NUCB1: variants seen among roughly 807,000 people sequenced by gnomAD.
NUCB1 encodes nucleobindin 1.
Under a neutral mutation model 61.2 loss-of-function variants are expected in NUCB1, and 47 were observed. The ratio of observed to expected loss-of-function variants is 0.77; its 90% CI spans 0.61 to 0.98. The LOEUF is 0.98. Among genes scored for constraint, NUCB1 ranks in the 50% least tolerant of loss-of-function variants. The pLI, the probability that NUCB1 is intolerant of heterozygous loss-of-function variation, is 0.00. For synonymous variants in NUCB1, 234 were observed against 243.1 expected (o/e 0.96, Z 0.35); for missense variants, 583 against 605.3 (o/e 0.96, Z 0.39).
intron 10 of NUCB1, among the ~76,000 whole-genome samples, chr19:48,920,058 C>T (rs73573658): frequency 0.06 from 9,055 of 151,222 alleles, 714 homozygotes; most frequent in African/African-American, 0.18. Flanking sequence ...CATGCACCAC[C>T]GCACCACACC....
In NUCB1 at chr19:48,903,933, GGTGGATGGATGGATGA is replaced by G. The variant is rs2037384325; in HGVS notation, c.136-401_136-386del. Among the ~76,000 whole-genome samples the G allele has an allele frequency of 2.7e-5, 4 of 150,236 alleles. No individual in the cohort carries two copies. In the East Asian group the frequency reaches 8.0e-4, roughly 30 times the overall value. On this transcript the variant is annotated intron_variant, in intron 2 of 12. Transcript: ENST00000405315. ...GGATGGATGGATGGATGGGTGGGTG[GGTGGATGGATGGATGA>G]GTGGATGGATGGGTGGATGGATGGA...
intron 5 of NUCB1, among the ~76,000 whole-genome samples, 166 bp from the exon 6 acceptor site, chr19:48,912,843 CAA>C (rs5828367): frequency 8.2e-4 from 78 of 95,280 alleles, no homozygotes; most frequent in Admixed American, 1.6e-3. Flanking sequence ...GACTCCCTCT[CAA>C]AAAAAAAAAA....
At position 48,900,918 on chromosome 19, in the gene NUCB1, C is replaced by T; in HGVS notation, c.122C>T (p.Ala41Val). The change falls in exon 2 of 13, where the codon GCG becomes GTG. Residue 41 changes from alanine to valine, a missense_variant. Physicochemically the swap from Ala to Val is moderately conservative, Grantham distance 64 (BLOSUM62 0). Transcript: ENST00000405315. ...RGAPNKEETP[A>V]TESPDTGLYY... ...GCGCCCAACAAGGAGGAGACCCCTG[C>T]GACTGAGAGTCCCGTGAGTGGCCCT... 1.2e-6 allele frequency: 2 copies of T among 1,613,916 alleles called. No individual in the cohort carries two copies. Among genetic ancestry groups the T allele is most frequent in the Non-Finnish European group, 1.7e-6 (2 of 1,180,032 alleles).
In NUCB1 at chr19:48,921,314, A is replaced by G. The variant is rs2037607587; in HGVS notation, c.1163A>G (p.Glu388Gly). The change falls in exon 11 of 13, where the codon GAG becomes GGG. Residue 388 changes from glutamate (E) to glycine (G), a missense_variant. Transcript: ENST00000405315. ...GGCCGCCTGGAGGCCCAGAAGAGAG[A>G]GCTGCAGCAGGTGACAGCGGGGGAA... ...SQGRLEAQKR[E>G]LQQAVLHMEQ... 1 of 1,587,528 alleles carries G rather than the reference A, an allele frequency of 6.3e-7. No homozygotes were observed. Among genetic ancestry groups the G allele is most frequent in the East Asian group, 2.3e-5 (1 of 43,160 alleles).
chr19:48,918,856 C>T lies in NUCB1; in HGVS notation c.816+72C>T, dbSNP rs563915583. Reference sequence around the variant, plus strand: ...GCCACTTGTTTCCTCCTGCAGTCCCCTTAAATCCCCCTGGATGGGAGCTCA... The same window carrying T: ...GCCACTTGTTTCCTCCTGCAGTCCCTTTAAATCCCCCTGGATGGGAGCTCA... On this transcript the variant is annotated intron_variant, in intron 8 of 12. Transcript: ENST00000405315. 19 of 1,444,886 alleles carry T rather than the reference C, an allele frequency of 1.3e-5. No individual in the cohort carries two copies. In the East Asian group the frequency reaches 4.1e-4, roughly 31 times the overall value. The allele number at this position is 1,444,886 out of a possible 1,614,324, so 89.5% of individuals were successfully genotyped here. A position where few individuals can be genotyped will look rare whatever the true frequency, so the allele number is the denominator to read the frequency against.
chr19:48,903,094 T>C (rs929203557), intron 2 of NUCB1, among the ~76,000 whole-genome samples: 46 of 152,236 alleles, frequency 3.0e-4, no homozygotes, highest in Non-Finnish European at 5.4e-4. Context: ...AGGCATGAGC[T>C]ACCATGCCTG....
Position 48,922,555 on chromosome 19 carries a change from C to A in NUCB1, c.*131C>A. 3.0e-6 allele frequency: 2 copies of A among 671,092 alleles called. No homozygotes were observed. Among genetic ancestry groups the A allele is most frequent in the African/African-American group, 1.8e-5 (1 of 56,068 alleles). The allele number at this position is 671,092 out of a possible 1,614,324, so 41.6% of individuals were successfully genotyped here. ...CTCCTGGGGCGGGGGCACGGCCTGGCATTTCACGCATTGCTGCCACCCCAG... is the reference window on the plus strand; with the variant it reads ...CTCCTGGGGCGGGGGCACGGCCTGGAATTTCACGCATTGCTGCCACCCCAG... On this transcript the variant is annotated 3_prime_UTR_variant, in exon 13 of 13. Transcript: ENST00000405315.
intron 5 of NUCB1, among the ~76,000 whole-genome samples, chr19:48,912,596 G>T (rs1028258365): frequency 2.4e-4 from 37 of 152,266 alleles, no homozygotes; most frequent in Middle Eastern, 3.4e-3. Flanking sequence ...AGCACTTTGG[G>T]AGGCTGACGT....
intron 6 of NUCB1, 133 bp downstream of exon 6, chr19:48,913,329 C>A: frequency 8.3e-7 from 1 of 1,208,396 alleles, no homozygotes; most frequent in Non-Finnish European, 1.2e-6. Context: ...ACCTGGCTGC[C>A]CCAGGGTCTG....
intron 10 of NUCB1, 113 bp downstream of exon 10, chr19:48,919,399 TG>T: frequency 1.5e-6 from 1 of 682,152 alleles, no homozygotes; most frequent in Non-Finnish European, 2.5e-6. Context: ...TCCATTCTCC[TG>T]GGTCACTGCA....
chr19:48,901,221 C>T (rs2037350850), intron 2 of NUCB1: 8 of 548,888 alleles, frequency 1.5e-5, no homozygotes, highest in South Asian at 1.5e-4. Context: ...AACTACATTT[C>T]CCAGTAGCAC....
chr19:48,913,247 G>A (rs75504596), intron 6 of NUCB1, 51 bp downstream of exon 6: 16 of 1,538,008 alleles, frequency 1.0e-5, no homozygotes, highest in Middle Eastern at 1.7e-4. Context: ...CAGTTCAAAC[G>A]CAAGACAAGA....
intron 2 of NUCB1, among the ~76,000 whole-genome samples, chr19:48,901,603 A>G (rs1323515363): frequency 6.6e-6 from 1 of 152,216 alleles, no homozygotes; most frequent in African/African-American, 2.4e-5. Flanking sequence ...ATCTCTACCA[A>G]AAATGCAGAA....
Position 48,900,946 on chromosome 19 carries a change from C to T in NUCB1, c.135+15C>T. On this transcript the variant is annotated intron_variant, in intron 2 of 12. Coordinates refer to ENST00000405315, the MANE Select transcript of NUCB1 (RefSeq NM_006184.6). ...CTGAGAGTCCCGTGAGTGGCCCTGC[C>T]CTGCTATCCAGCCAGGTGTTTGCAG... 1 of 1,613,704 alleles carries T rather than the reference C, an allele frequency of 6.2e-7. No individual in the cohort carries two copies. The highest frequency in any genetic ancestry group is 8.5e-7 in the Non-Finnish European group (1 of 1,180,004).
In NUCB1 at chr19:48,921,332, C is replaced by A; in HGVS notation, c.1173+8C>A. ...AAGAGAGAGCTGCAGCAGGTGACAGCGGGGGAAGCTGCTTCCATCCACTGA... is the reference window on the plus strand; with the variant it reads ...AAGAGAGAGCTGCAGCAGGTGACAGAGGGGGAAGCTGCTTCCATCCACTGA... On this transcript the variant is annotated splice_region_variant and intron_variant, in intron 11 of 12. Transcript: ENST00000405315. The A allele has an allele frequency of 6.4e-7, 1 of 1,572,066 alleles. No homozygotes were observed. The highest frequency in any genetic ancestry group is 1.2e-5 in the South Asian group (1 of 86,072).
chr19:48,913,647 C>G (rs2037505403), intron 7 of NUCB1, 83 bp downstream of exon 7: 1 of 1,193,894 alleles, frequency 8.4e-7, no homozygotes, highest in Non-Finnish European at 1.2e-6. Flanking sequence ...AGGGGTGTGT[C>G]TGTCCCAGGA....
chr19:48,900,980 C>T, intron 2 of NUCB1, 49 bp downstream of exon 2: 2 of 1,606,270 alleles, frequency 1.2e-6, no homozygotes, highest in South Asian at 1.1e-5. Flanking sequence ...AGTGGTACTA[C>T]AGCTCCTGCA....
At position 48,922,720 on chromosome 19, in the gene NUCB1, G is replaced by A. The variant is rs777292209; in HGVS notation, c.*296G>A. The A allele has an allele frequency of 5.2e-5, 19 of 366,038 alleles. No individual in the cohort carries two copies. Among genetic ancestry groups the A allele is most frequent in the Non-Finnish European group, 6.8e-5 (13 of 192,322 alleles). 22.7% of individuals were successfully genotyped at this position (366,038 alleles called of 1,614,324 possible). A position where few individuals can be genotyped will look rare whatever the true frequency, so the allele number is the denominator to read the frequency against. On this transcript the variant is annotated 3_prime_UTR_variant, in exon 13 of 13. Transcript: ENST00000405315. Reference sequence around the variant, plus strand: ...AGAAGCCCGCCCCCTCCCCTTCTCCGTCTGTCCCAAGAGGGTCTGCTCTGA... The same window carrying A: ...AGAAGCCCGCCCCCTCCCCTTCTCCATCTGTCCCAAGAGGGTCTGCTCTGA...
At chr19:48,911,906 G>A (rs560333853) in intron 5 of NUCB1, among the ~76,000 whole-genome samples, 2 of 152,140 alleles carry the variant, frequency 1.3e-5, no homozygotes, top group South Asian at 4.1e-4. Context: ...AAGAGGCTGA[G>A]TAACTTGCCC....
Sources: allele counts gnomAD v4.1 joint callset (sites outside exome capture counted in the v4.1 genomes callset), GRCh38; gene constraint gnomAD v4.1.1; transcripts MANE v1.5; gene names NCBI Gene and HGNC (gene_info 2026-07-23, HGNC 2026-07-21).